Variants in KCNB2 observed in about 807,000 individuals in gnomAD.
KCNB2 encodes potassium voltage-gated channel subfamily B member 2.
Under a neutral mutation model 61.5 loss-of-function variants are expected in KCNB2, and 15 were observed. The ratio of observed to expected loss-of-function variants is 0.24; its 90% CI spans 0.16 to 0.38. The LOEUF (loss-of-function observed/expected upper bound fraction) is 0.38, where lower values mean the gene tolerates loss of function less well. Ranked by LOEUF, KCNB2 falls within the 10% of genes least tolerant of loss-of-function variation. The probability of loss-of-function intolerance (pLI) is 1.00; values close to 1 mark genes in which losing one functional copy is unlikely to be tolerated. For synonymous variants in KCNB2, 457 were observed against 446.0 expected (o/e 1.02, Z -0.31); for missense variants, 828 against 1,125.2 (o/e 0.74, Z 3.78).
intron 2 of KCNB2, among the ~76,000 whole-genome samples, chr8:72,698,386 T>G (rs941907838): frequency 6.6e-6 from 1 of 152,092 alleles, no homozygotes; most frequent in African/African-American, 2.4e-5. Flanking sequence ...TGGAAAAACA[T>G]TCTACATTCA....
chr8:72,862,810 A>G (rs1449130715), intron 2 of KCNB2, among the ~76,000 whole-genome samples: 2 of 152,198 alleles, frequency 1.3e-5, no homozygotes, highest in Non-Finnish European at 2.9e-5. Context: ...TAGAAACACT[A>G]ATGAGCCCTT....
intron 1 of KCNB2, among the ~76,000 whole-genome samples, chr8:72,540,500 ATTG>A (rs528943851): frequency 6.6e-5 from 10 of 151,922 alleles, no homozygotes; most frequent in Non-Finnish European, 1.3e-4. Flanking sequence ...GAGTTTTGTT[ATTG>A]TTGTTGTTGT....
intron 2 of KCNB2, among the ~76,000 whole-genome samples, chr8:72,797,010 T>A (rs1429182609): frequency 1.3e-5 from 2 of 152,172 alleles, no homozygotes. Flanking sequence ...TGAAAGTGCT[T>A]TGTAAATTAC....
At chr8:72,611,926 C>G (rs575337902) in intron 2 of KCNB2, among the ~76,000 whole-genome samples, 2 of 151,836 alleles carry the variant, frequency 1.3e-5, no homozygotes, top group African/African-American at 4.8e-5. Flanking sequence ...AACTATTAAT[C>G]AATTAATTAA....
chr8:72,884,133 C>T (rs990802218), intron 2 of KCNB2, among the ~76,000 whole-genome samples: 9 of 152,146 alleles, frequency 5.9e-5, no homozygotes, highest in African/African-American at 2.2e-4. Flanking sequence ...AAAATGACAT[C>T]TTGTCATTGT....
intron 2 of KCNB2, among the ~76,000 whole-genome samples, chr8:72,650,347 A>G (rs1185781070): frequency 6.6e-6 from 1 of 152,088 alleles, no homozygotes; most frequent in Non-Finnish European, 1.5e-5. Flanking sequence ...TCTCCCACTT[A>G]GTTGCCACCT....
chr8:72,809,209 A>G (rs1809268772), intron 2 of KCNB2, among the ~76,000 whole-genome samples: 1 of 152,134 alleles, frequency 6.6e-6, no homozygotes, highest in Non-Finnish European at 1.5e-5. Context: ...CCCAGATCTA[A>G]GTAGGGATAG....
At chr8:72,873,367 G>A (rs1805648496) in intron 2 of KCNB2, among the ~76,000 whole-genome samples, 1 of 152,246 alleles carries the variant, frequency 6.6e-6, no homozygotes, top group Non-Finnish European at 1.5e-5. Context: ...GAGTCTGAGA[G>A]TCAACATGAC....
At chr8:72,702,191 T>C (rs1198950599) in intron 2 of KCNB2, among the ~76,000 whole-genome samples, 2 of 152,154 alleles carry the variant, frequency 1.3e-5, no homozygotes, top group East Asian at 1.9e-4. Context: ...AAAACATAAA[T>C]TAACTTTCCT....
At chr8:72,819,219 TA>T (rs200464235) in intron 2 of KCNB2, among the ~76,000 whole-genome samples, 25 of 148,094 alleles carry the variant, frequency 1.7e-4, no homozygotes, top group African/African-American at 5.0e-4. Flanking sequence ...CTCTGCTTTC[TA>T]AAAAAAAAAC....
chr8:72,624,376 C>T (rs954984540), intron 2 of KCNB2, among the ~76,000 whole-genome samples: 1 of 152,158 alleles, frequency 6.6e-6, no homozygotes, highest in Non-Finnish European at 1.5e-5. Context: ...TAGCCTACCA[C>T]AGGATTTCAA....
intron 2 of KCNB2, among the ~76,000 whole-genome samples, chr8:72,927,621 A>G (rs1545828): frequency 0.43 from 64,975 of 152,032 alleles, 15,386 homozygotes; most frequent in East Asian, 0.89. Context: ...ACACTACTCA[A>G]TTCTCTGAAA....
intron 2 of KCNB2, among the ~76,000 whole-genome samples, chr8:72,687,655 A>G (rs2128989735): frequency 6.6e-6 from 1 of 152,348 alleles, no homozygotes; most frequent in Middle Eastern, 3.4e-3. Flanking sequence ...TTAAAGAATT[A>G]GTTGGTTCTT....
At chr8:72,573,399 T>C (rs1284011504) in intron 2 of KCNB2, among the ~76,000 whole-genome samples, 1 of 152,234 alleles carries the variant, frequency 6.6e-6, no homozygotes. Flanking sequence ...TATAACACTC[T>C]TTGTTTAGCT....
intron 2 of KCNB2, among the ~76,000 whole-genome samples, chr8:72,657,098 G>T (rs1444616639): frequency 6.6e-6 from 1 of 151,994 alleles, no homozygotes; most frequent in Non-Finnish European, 1.5e-5. Context: ...GACCTCCTCG[G>T]ATATTTCTGT....
At chr8:72,814,249 T>A (rs1809353046) in intron 2 of KCNB2, among the ~76,000 whole-genome samples, 1 of 152,228 alleles carries the variant, frequency 6.6e-6, no homozygotes, top group East Asian at 1.9e-4. Flanking sequence ...CCAATACTGA[T>A]GAGCATTTAA....
At chr8:72,715,632 TAC>T (rs1318041921) in intron 2 of KCNB2, among the ~76,000 whole-genome samples, 1 of 151,958 alleles carries the variant, frequency 6.6e-6, no homozygotes, top group Non-Finnish European at 1.5e-5. Context: ...AGACACAACA[TAC>T]CAGAATCTCT....
rs138442210 is a variant in KCNB2 at position 72,730,134 on chromosome 8, G to A, written c.579+161821G>A. On this transcript the variant is annotated intron_variant, in intron 2 of 2. Transcript: ENST00000523207. Reference sequence around the variant, plus strand: ...CCCCCAATTCTGTCTGCTCCTGAGGGGAGAACTTATGCTATACATTAGTAG... The same window carrying A: ...CCCCCAATTCTGTCTGCTCCTGAGGAGAGAACTTATGCTATACATTAGTAG... Among the ~76,000 whole-genome samples the A allele has an allele frequency of 3.9e-3, 599 of 152,180 alleles. 4 individuals carry two copies. The highest frequency in any genetic ancestry group is 0.014 in the African/African-American group (569 of 41,524).
intron 2 of KCNB2, among the ~76,000 whole-genome samples, chr8:72,801,218 C>G: frequency 6.6e-6 from 1 of 152,210 alleles, no homozygotes; most frequent in East Asian, 1.9e-4. Context: ...TGTTTTACAG[C>G]ATAGTAGTCA....
Sources: allele counts gnomAD v4.1 joint callset (sites outside exome capture counted in the v4.1 genomes callset), GRCh38; gene constraint gnomAD v4.1.1; transcripts MANE v1.5; gene names NCBI Gene and HGNC (gene_info 2026-07-23, HGNC 2026-07-21).